The following LRRIQ3 variants were observed in gnomAD, a reference collection of about 807,000 sequenced individuals.
The protein encoded by LRRIQ3 is leucine rich repeats and IQ motif containing 3.
In LRRIQ3, 75 loss-of-function variants were observed where a neutral mutation model predicts 59.3. The observed-to-expected ratio is 1.26, with a 90% confidence interval of 1.05 to 1.53. The LOEUF (loss-of-function observed/expected upper bound fraction) is 1.53, where lower values mean the gene tolerates loss of function less well. LRRIQ3 is among the 40% of genes most tolerant of loss of function. The pLI, the probability that LRRIQ3 is intolerant of heterozygous loss-of-function variation, is 0.00. For synonymous variants in LRRIQ3, 250 were observed against 231.3 expected (o/e 1.08, Z -0.73); for missense variants, 831 against 710.0 (o/e 1.17, Z -1.94).
Position 74,198,085 on chromosome 1 carries a change from C to T in LRRIQ3, c.-90G>A, listed in dbSNP as rs550261166. 5.6e-6 allele frequency: 7 copies of T among 1,245,448 alleles called. No individual in the cohort carries two copies. Among genetic ancestry groups the T allele is most frequent in the Middle Eastern group, 2.9e-4 (1 of 3,504 alleles). The allele number at this position is 1,245,448 out of a possible 1,614,324, so 77.1% of individuals were successfully genotyped here. A position where few individuals can be genotyped will look rare whatever the true frequency, so the allele number is the denominator to read the frequency against. On this transcript the variant is annotated 5_prime_UTR_variant, in exon 1 of 8. Coordinates refer to ENST00000354431, the MANE Select transcript of LRRIQ3 (RefSeq NM_001105659.2). ...ACAAATCGCTGGGCGGCCATCTGCT[C>T]CTGAGACCGTTGCTAGAGAAACAAG...
At chr1:74,038,585 G>A (rs1324593173) in intron 7 of LRRIQ3, among the ~76,000 whole-genome samples, 2 of 152,114 alleles carry the variant, frequency 1.3e-5, no homozygotes, top group East Asian at 3.9e-4. Context: ...TGCCTCTCGA[G>A]GTCAGAGATC....
chr1:74,101,187 A>G (rs1206891780), intron 5 of LRRIQ3, among the ~76,000 whole-genome samples: 1 of 152,200 alleles, frequency 6.6e-6, no homozygotes, highest in Non-Finnish European at 1.5e-5. Context: ...ACCAGAATCT[A>G]CAAAGCACTC....
At chr1:74,144,731 G>A (rs1647455439) in intron 4 of LRRIQ3, among the ~76,000 whole-genome samples, 1 of 151,190 alleles carries the variant, frequency 6.6e-6, no homozygotes, top group South Asian at 2.1e-4. Flanking sequence ...ATCCTTTTAA[G>A]TTATAAAAAC....
chr1:74,028,191 G>C (rs1653578266), intron 7 of LRRIQ3, among the ~76,000 whole-genome samples: 1 of 151,996 alleles, frequency 6.6e-6, no homozygotes, highest in Admixed American at 6.6e-5. Flanking sequence ...GGCAAGGCTG[G>C]AGAAACAAAT....
intron 5 of LRRIQ3, among the ~76,000 whole-genome samples, chr1:74,086,385 GT>G (rs1272478810): frequency 6.6e-6 from 1 of 152,084 alleles, no homozygotes; most frequent in Non-Finnish European, 1.5e-5. Context: ...CAATTTCAAT[GT>G]TGCTAAATGC....
At chr1:74,071,603 T>G (rs2100470847) in intron 6 of LRRIQ3, among the ~76,000 whole-genome samples, 1 of 152,288 alleles carries the variant, frequency 6.6e-6, no homozygotes, top group African/African-American at 2.4e-5. Context: ...GTATCCTTGA[T>G]GTTATTAGTA....
At chr1:74,035,567 T>C (rs1351889860) in intron 7 of LRRIQ3, among the ~76,000 whole-genome samples, 1 of 152,138 alleles carries the variant, frequency 6.6e-6, no homozygotes, top group African/African-American at 2.4e-5. Flanking sequence ...ATTTTTGCAA[T>C]TCTTTGAGAA....
chr1:74,164,545 T>C (rs1343222668), intron 3 of LRRIQ3, among the ~76,000 whole-genome samples: 2 of 151,570 alleles, frequency 1.3e-5, no homozygotes, highest in African/African-American at 4.8e-5. Context: ...TAGTGGTACT[T>C]TGTTATGGCA....
intron 4 of LRRIQ3, among the ~76,000 whole-genome samples, chr1:74,152,176 G>C (rs1033561680): frequency 4.6e-5 from 7 of 151,562 alleles, no homozygotes; most frequent in Non-Finnish European, 7.4e-5. Flanking sequence ...TGCAGTGATA[G>C]AAATGAGAAA....
At chr1:74,040,751 GAC>G (rs1312670237) in intron 7 of LRRIQ3, among the ~76,000 whole-genome samples, 1 of 152,156 alleles carries the variant, frequency 6.6e-6, no homozygotes, top group East Asian at 1.9e-4. Context: ...TGAGAACAAA[GAC>G]ACAACATACC....
At chr1:74,050,764 C>T (rs576678504) in intron 6 of LRRIQ3, among the ~76,000 whole-genome samples, 43 of 152,174 alleles carry the variant, frequency 2.8e-4, no homozygotes, top group African/African-American at 8.7e-4. Flanking sequence ...GAAAATGAAA[C>T]GAATATAAGG....
intron 3 of LRRIQ3, among the ~76,000 whole-genome samples, chr1:74,174,767 T>C (rs935111667): frequency 2.0e-5 from 3 of 152,146 alleles, no homozygotes; most frequent in Non-Finnish European, 4.4e-5. Flanking sequence ...ATCCCATTTT[T>C]TATGTATTGT....
At chr1:74,122,435 T>C (rs915890453) in intron 4 of LRRIQ3, among the ~76,000 whole-genome samples, 2 of 152,122 alleles carry the variant, frequency 1.3e-5, no homozygotes, top group African/African-American at 4.8e-5. Context: ...GTTGTTTTTT[T>C]CTTATAAATT....
rs939924728 is a variant in LRRIQ3 at position 74,044,297 on chromosome 1, T to C, written c.998-2364A>G. Among the ~76,000 whole-genome samples, 7 of 152,184 alleles carry C rather than the reference T, an allele frequency of 4.6e-5. 1 individual carries two copies. Among genetic ancestry groups the C allele is most frequent in the Admixed American group, 6.6e-5 (1 of 15,262 alleles). On this transcript the variant is annotated intron_variant, in intron 6 of 7. Coordinates refer to ENST00000354431, the MANE Select transcript of LRRIQ3 (RefSeq NM_001105659.2). The stretch of plus-strand genomic sequence containing the variant: ...AATCCCCAATGTTGGATATTGGGCC[T>C]AGTGAGAGGTGTTTGGGACATGGGG...
chr1:74,127,761 C>A (rs138067091), intron 4 of LRRIQ3, among the ~76,000 whole-genome samples: 4 of 151,846 alleles, frequency 2.6e-5, no homozygotes, highest in Non-Finnish European at 5.9e-5. Context: ...TTAGACACCA[C>A]AATTACAGTG....
intron 5 of LRRIQ3, among the ~76,000 whole-genome samples, chr1:74,092,240 A>C (rs1443315104): frequency 1.3e-5 from 2 of 152,130 alleles, no homozygotes; most frequent in Admixed American, 6.6e-5. Flanking sequence ...CTAAGTACTG[A>C]GTGAAATAGT....
chr1:74,086,347 T>C (rs1164759698), intron 5 of LRRIQ3, among the ~76,000 whole-genome samples: 1 of 152,122 alleles, frequency 6.6e-6, no homozygotes, highest in Non-Finnish European at 1.5e-5. Context: ...ACAGATTCCA[T>C]TAACCGACTT....
At chr1:74,031,432 A>C (rs1569993725) in intron 7 of LRRIQ3, among the ~76,000 whole-genome samples, 2 of 152,176 alleles carry the variant, frequency 1.3e-5, no homozygotes, top group East Asian at 3.9e-4. Context: ...CTATGCAGCC[A>C]CAAAAAATGA....
chr1:74,102,809 A>G (rs1193238707), intron 5 of LRRIQ3, among the ~76,000 whole-genome samples: 2 of 151,950 alleles, frequency 1.3e-5, no homozygotes, highest in African/African-American at 4.8e-5. Context: ...CAGATTATGT[A>G]TTAATCTAGC....
Sources: allele counts gnomAD v4.1 joint callset (sites outside exome capture counted in the v4.1 genomes callset), GRCh38; gene constraint gnomAD v4.1.1; transcripts MANE v1.5; gene names NCBI Gene and HGNC (gene_info 2026-07-23, HGNC 2026-07-21).